COG5: variants seen among roughly 807,000 people sequenced by gnomAD.
COG5 encodes the protein conserved oligomeric Golgi complex subunit 5.
In COG5, 86 loss-of-function variants were observed where a neutral mutation model predicts 110.4. The ratio of observed to expected loss-of-function variants is 0.78; its 90% confidence interval spans 0.65 to 0.93. The LOEUF is 0.93. Ranked by LOEUF, COG5 falls within the 40% of genes least tolerant of loss-of-function variation. The pLI, the probability that COG5 is intolerant of heterozygous loss-of-function variation, is 0.00. For missense variants in COG5, 1,077 were observed against 987.0 expected (o/e 1.09, Z -1.22); for synonymous variants, 360 against 334.6 (o/e 1.08, Z -0.83).
At chr7:107,358,198 T>C (rs1050146130) in intron 10 of COG5, among the ~76,000 whole-genome samples, 48 of 152,310 alleles carry the variant, frequency 3.2e-4, no homozygotes, top group African/African-American at 1.2e-3. Flanking sequence ...TTGTAGAATA[T>C]TAAATTGTTC....
chr7:107,509,693 G>A (rs1033462716), intron 6 of COG5, among the ~76,000 whole-genome samples: 23 of 151,716 alleles, frequency 1.5e-4, no homozygotes, highest in East Asian at 3.9e-4. Flanking sequence ...GACTAACAGC[G>A]GATCTCTCGG....
Position 107,558,116 on chromosome 7 carries a change from C to G in COG5, c.95-1G>C. On this transcript the variant is annotated splice_acceptor_variant, in intron 1 of 21. Coordinates refer to ENST00000297135, the MANE Select transcript of COG5 (RefSeq NM_006348.5). LOFTEE classifies it high-confidence loss of function. ...TCGTTTAAAAAGTCACTATAACACC[C>G]TGGATTGGGGAAAAAATAAGGAAAA... The G allele has an allele frequency of 5.0e-6, 8 of 1,613,520 alleles. No homozygotes were observed. The highest frequency in any genetic ancestry group is 6.8e-6 in the Non-Finnish European group (8 of 1,179,780).
Position 107,530,601 on chromosome 7 carries a change from C to CAAAAA in COG5, c.418-3249_418-3245dup, listed in dbSNP as rs953588412. On this transcript the variant is annotated intron_variant, in intron 5 of 21. Coordinates refer to ENST00000297135, the MANE Select transcript of COG5 (RefSeq NM_006348.5). The stretch of plus-strand genomic sequence containing the variant: ...GGGCAACAAGAGCGAAACTCCATCT[C>CAAAAA]AAAAAAAAAAAAAAAAAAAAAAAAA... Among the ~76,000 whole-genome samples the CAAAAA allele has an allele frequency of 1.0e-3, 50 of 47,686 alleles. 3 individuals carry two copies. The highest frequency in any genetic ancestry group is 2.6e-3 in the African/African-American group (32 of 12,506). 31.3% of individuals were successfully genotyped at this position (47,686 alleles called of 152,430 possible).
intron 1 of COG5, among the ~76,000 whole-genome samples, chr7:107,561,451 G>T (rs1448037578): frequency 3.3e-5 from 5 of 152,148 alleles, no homozygotes; most frequent in African/African-American, 1.2e-4. Context: ...AGAGAATTAA[G>T]AATTTTTAAA....
At chr7:107,397,416 A>G (rs964493591) in intron 7 of COG5, among the ~76,000 whole-genome samples, 1 of 152,214 alleles carries the variant, frequency 6.6e-6, no homozygotes, top group Admixed American at 6.5e-5. Flanking sequence ...ACACCCAGTC[A>G]AATCTGTTGG....
At chr7:107,231,122 C>T (rs1021797608) in intron 18 of COG5, among the ~76,000 whole-genome samples, 6 of 152,108 alleles carry the variant, frequency 3.9e-5, no homozygotes, top group Non-Finnish European at 7.4e-5. Context: ...TTTAGTAGCA[C>T]ATCTATATCA....
intron 6 of COG5, among the ~76,000 whole-genome samples, chr7:107,490,892 G>A (rs1159893813): frequency 1.3e-5 from 2 of 152,032 alleles, no homozygotes; most frequent in Non-Finnish European, 2.9e-5. Context: ...TATTAGTAAA[G>A]TATTACTTTG....
intron 16 of COG5, among the ~76,000 whole-genome samples, chr7:107,251,541 T>G (rs1226772747): frequency 1.3e-5 from 2 of 152,134 alleles, no homozygotes; most frequent in Non-Finnish European, 2.9e-5. Context: ...TTATCAGAAT[T>G]AAATTAGAAA....
intron 18 of COG5, among the ~76,000 whole-genome samples, chr7:107,235,856 A>C (rs573838066): frequency 1.4e-4 from 22 of 152,390 alleles, no homozygotes; most frequent in African/African-American, 5.3e-4. Context: ...AACGCTTTCT[A>C]TAAGAGCTGA....
intron 7 of COG5, among the ~76,000 whole-genome samples, chr7:107,392,496 T>C (rs1235873691): frequency 6.6e-6 from 1 of 152,172 alleles, no homozygotes; most frequent in Non-Finnish European, 1.5e-5. Flanking sequence ...CAAATAACAA[T>C]GCTTATTTGC....
intron 14 of COG5, among the ~76,000 whole-genome samples, chr7:107,263,738 C>T (rs1803567755): frequency 6.6e-6 from 1 of 152,184 alleles, no homozygotes; most frequent in Non-Finnish European, 1.5e-5. Context: ...TTCTGTACAT[C>T]TGCTCATTAG....
chr7:107,524,134 G>A (rs1191352895), intron 6 of COG5, among the ~76,000 whole-genome samples: 2 of 152,102 alleles, frequency 1.3e-5, no homozygotes, highest in Admixed American at 6.6e-5. Flanking sequence ...CAACACTGAC[G>A]AATTTCAAAT....
intron 6 of COG5, among the ~76,000 whole-genome samples, chr7:107,512,744 A>G (rs112868929): frequency 1.3e-5 from 2 of 152,178 alleles, no homozygotes; most frequent in Non-Finnish European, 2.9e-5. Flanking sequence ...ATAATGCCGC[A>G]TATCTACAAC....
intron 11 of COG5, among the ~76,000 whole-genome samples, chr7:107,310,959 T>C (rs796833676): frequency 8.5e-5 from 13 of 152,344 alleles, no homozygotes; most frequent in African/African-American, 3.1e-4. Context: ...TATGGAATTC[T>C]ATGGATTCAA....
intron 19 of COG5, among the ~76,000 whole-genome samples, chr7:107,221,996 T>C (rs1455634603): frequency 6.6e-6 from 1 of 152,002 alleles, no homozygotes; most frequent in Non-Finnish European, 1.5e-5. Context: ...CTGTAAATGA[T>C]ACAAGGAAGG....
intron 7 of COG5, among the ~76,000 whole-genome samples, chr7:107,382,925 G>A (rs1470636319): frequency 2.6e-5 from 4 of 152,140 alleles, no homozygotes; most frequent in South Asian, 2.1e-4. Flanking sequence ...TCAAACAGCA[G>A]TCTCCAGCTG....
chr7:107,558,189 TATA>T, intron 1 of COG5, 74 bp from the exon 2 acceptor site: 1 of 1,455,168 alleles, frequency 6.9e-7, no homozygotes, highest in South Asian at 1.2e-5. Flanking sequence ...ACAGAACAAT[TATA>T]ATCATAATTA....
intron 3 of COG5, among the ~76,000 whole-genome samples, chr7:107,550,230 T>G (rs1210876640): frequency 3.3e-5 from 5 of 152,154 alleles, no homozygotes; most frequent in Non-Finnish European, 5.9e-5. Flanking sequence ...CCCTATCAGC[T>G]TTGCCTACAT....
At chr7:107,348,075 G>A (rs1034863328) in intron 10 of COG5, among the ~76,000 whole-genome samples, 3 of 134,694 alleles carry the variant, frequency 2.2e-5, no homozygotes, top group Non-Finnish European at 3.0e-5. Context: ...GCAGTGACCC[G>A]AGACTGCACC....
Sources: allele counts gnomAD v4.1 joint callset (sites outside exome capture counted in the v4.1 genomes callset), GRCh38; gene constraint gnomAD v4.1.1; transcripts MANE v1.5; gene names NCBI Gene and HGNC (gene_info 2026-07-23, HGNC 2026-07-21).